The following CBFA2T3 variants were observed in gnomAD, a reference collection of about 807,000 sequenced individuals.
CBFA2T3 encodes the protein CBFA2/RUNX1 partner transcriptional co-repressor 3.
In CBFA2T3, 31 loss-of-function variants were observed where a neutral mutation model predicts 58.6. The ratio of observed to expected loss-of-function variants is 0.53; its 90% CI spans 0.40 to 0.71. The LOEUF is 0.71. Ranked by LOEUF, CBFA2T3 falls within the 30% of genes least tolerant of loss-of-function variation. The pLI is 0.00. For synonymous variants in CBFA2T3, 531 were observed against 421.9 expected (o/e 1.26, Z -3.17); for missense variants, 1,076 against 963.1 (o/e 1.12, Z -1.55).
chr16:88,898,196 G>T, intron 2 of CBFA2T3, 44 bp from the exon 3 acceptor site: 1 of 1,480,400 alleles, frequency 6.8e-7, no homozygotes, highest in South Asian at 1.1e-5. Flanking sequence ...AGGGGCGTGG[G>T]CAGGAGACTC....
intron 1 of CBFA2T3, among the ~76,000 whole-genome samples, chr16:88,908,352 A>C (rs1970408270): frequency 6.6e-6 from 1 of 151,986 alleles, no homozygotes; most frequent in African/African-American, 2.4e-5. Context: ...AAAAAAAAAA[A>C]AAAGGAAAAG....
chr16:88,921,460 C>G (rs1970916990), intron 1 of CBFA2T3, among the ~76,000 whole-genome samples: 1 of 152,200 alleles, frequency 6.6e-6, no homozygotes, highest in African/African-American at 2.4e-5. Context: ...ACGTGGCCAG[C>G]CGGGATTTCC....
intron 1 of CBFA2T3, among the ~76,000 whole-genome samples, chr16:88,944,919 A>G (rs1971864628): frequency 6.6e-6 from 1 of 152,244 alleles, no homozygotes; most frequent in African/African-American, 2.4e-5. Flanking sequence ...GAGTAATCTC[A>G]GAACACAGGC....
chr16:88,893,462 A>G (rs1290913301), intron 3 of CBFA2T3, among the ~76,000 whole-genome samples: 1 of 152,128 alleles, frequency 6.6e-6, no homozygotes, highest in Non-Finnish European at 1.5e-5. Context: ...ACTCCCAGCC[A>G]TGAGCAATGC....
intron 1 of CBFA2T3, among the ~76,000 whole-genome samples, chr16:88,948,184 G>A (rs909056869): frequency 3.3e-5 from 5 of 152,322 alleles, no homozygotes; most frequent in Admixed American, 2.0e-4. Flanking sequence ...CGCAAGCCAC[G>A]TGGTGATTGG....
At chr16:88,917,879 C>T (rs905986657) in intron 1 of CBFA2T3, among the ~76,000 whole-genome samples, 2 of 152,082 alleles carry the variant, frequency 1.3e-5, no homozygotes, top group African/African-American at 2.4e-5. Context: ...AGCGTGGGTG[C>T]GGACGAGAGT....
rs564827388 is a variant in CBFA2T3, at chr16:88,976,166, C to T, written c.151+491G>A. Among the ~76,000 whole-genome samples, 98 of 152,330 alleles carry T rather than the reference C, an allele frequency of 6.4e-4. 1 individual carries two copies. The highest frequency in any genetic ancestry group is 2.2e-3 in the African/African-American group (93 of 41,584). On this transcript the variant is annotated intron_variant, in intron 1 of 11. Coordinates refer to ENST00000268679, the MANE Select transcript of CBFA2T3 (RefSeq NM_005187.6). Reference sequence around the variant, plus strand: ...CCCCACTGCCCTGGCTGGAATCGTTCCTCGGACAGGGGCCCAGGGTTGGGT... The same window carrying T: ...CCCCACTGCCCTGGCTGGAATCGTTTCTCGGACAGGGGCCCAGGGTTGGGT...
At chr16:88,878,563 C>G (rs996350560) in intron 11 of CBFA2T3, among the ~76,000 whole-genome samples, 1 of 152,232 alleles carries the variant, frequency 6.6e-6, no homozygotes, top group African/African-American at 2.4e-5. Context: ...TCAGGCCTGC[C>G]GTGTGCACCG....
intron 1 of CBFA2T3, 82 bp downstream of exon 1, chr16:88,976,575 G>A (rs1265743493): frequency 3.4e-5 from 37 of 1,086,982 alleles, no homozygotes; most frequent in Admixed American, 4.6e-5. Flanking sequence ...GGCAGGCCCC[G>A]CGAAGCTCTA....
At chr16:88,973,290 G>T (rs770476405) in intron 1 of CBFA2T3, among the ~76,000 whole-genome samples, 3 of 152,236 alleles carry the variant, frequency 2.0e-5, no homozygotes, top group Non-Finnish European at 4.4e-5. Context: ...GATTTGGGAG[G>T]GAGGAGACGG....
At chr16:88,963,788 G>A (rs1455331268) in intron 1 of CBFA2T3, among the ~76,000 whole-genome samples, 1 of 152,240 alleles carries the variant, frequency 6.6e-6, no homozygotes, top group Non-Finnish European at 1.5e-5. Context: ...GAGGAGAGCC[G>A]CATTCTGTGA....
intron 1 of CBFA2T3, among the ~76,000 whole-genome samples, chr16:88,934,296 G>A (rs758543421): frequency 1.3e-5 from 2 of 151,884 alleles, no homozygotes; most frequent in Admixed American, 1.3e-4. Context: ...CAGGTCACAG[G>A]AGGGGCCGAC....
chr16:88,879,333 C>T lies in CBFA2T3; in HGVS notation c.1599G>A (p.Glu533=). ...ERAKMERALA[E]AKRQASEDAL... The stretch of plus-strand genomic sequence containing the variant: ...CGTCCTCGGAGGCCTGCCGCTTCGC[C>T]TCGGCCAGGGCCCGCTCCATCTTGG... The change falls in exon 11 of 12, where the codon GAG becomes GAA. Residue 533 remains glutamate (E), a synonymous_variant. Transcript: ENST00000268679. 6.2e-7 allele frequency: 1 copy of T among 1,611,726 alleles called. No individual in the cohort carries two copies. The highest frequency in any genetic ancestry group is 8.5e-7 in the Non-Finnish European group (1 of 1,179,030).
intron 1 of CBFA2T3, chr16:88,939,994 C>T (rs1217885640): frequency 6.6e-6 from 1 of 152,356 alleles, no homozygotes; most frequent in Non-Finnish European, 1.5e-5. Flanking sequence ...CTGGGAACCT[C>T]CTGTTCCTCG....
At chr16:88,921,085 A>C (rs1385188294) in intron 1 of CBFA2T3, among the ~76,000 whole-genome samples, 1 of 152,224 alleles carries the variant, frequency 6.6e-6, no homozygotes, top group African/African-American at 2.4e-5. Context: ...TCCCCCAGGC[A>C]AGGCCTGCCC....
At chr16:88,975,209 AC>A (rs1972812798) in intron 1 of CBFA2T3, among the ~76,000 whole-genome samples, 6 of 76,454 alleles carry the variant, frequency 7.8e-5, no homozygotes, top group South Asian at 3.6e-4. Context: ...GTCCACCCTG[AC>A]CCTCTGCTCC....
chr16:88,936,261 CCTGGTCTCCGG>C (rs1457732614), intron 1 of CBFA2T3, among the ~76,000 whole-genome samples: 1 of 152,172 alleles, frequency 6.6e-6, no homozygotes, highest in Non-Finnish European at 1.5e-5. Flanking sequence ...TATCTCCCAT[CCTGGTCTCCGG>C]CAGGTCCCAC....
At chr16:88,969,290 A>G (rs981735089) in intron 1 of CBFA2T3, among the ~76,000 whole-genome samples, 1 of 152,122 alleles carries the variant, frequency 6.6e-6, no homozygotes, top group African/African-American at 2.4e-5. Context: ...TGGACTTGGG[A>G]GCTCAGGAGG....
Position 88,976,600 on chromosome 16 carries a change from C to G in CBFA2T3, c.151+57G>C, listed in dbSNP as rs544957725. ...GCGAAGCTCTAAGGAGTCACAGCCCCGGCACCGGCTGCCGCTCTCTGCCCC... is the reference window on the plus strand; with the variant it reads ...GCGAAGCTCTAAGGAGTCACAGCCCGGGCACCGGCTGCCGCTCTCTGCCCC... On this transcript the variant is annotated intron_variant, in intron 1 of 11. Transcript: ENST00000268679. 3.0e-6 allele frequency: 4 copies of G among 1,354,634 alleles called. No homozygotes were observed. In the African/African-American group the frequency reaches 4.3e-5, roughly 15 times the overall value. 83.9% of individuals were successfully genotyped at this position (1,354,634 alleles called of 1,614,324 possible).
Sources: allele counts gnomAD v4.1 joint callset (sites outside exome capture counted in the v4.1 genomes callset), GRCh38; gene constraint gnomAD v4.1.1; transcripts MANE v1.5; gene names NCBI Gene and HGNC (gene_info 2026-07-23, HGNC 2026-07-21).